GNL3: variants seen among roughly 807,000 people sequenced by gnomAD.
GNL3 encodes guanine nucleotide-binding protein-like 3.
In GNL3, 77 loss-of-function variants were observed where a neutral mutation model predicts 70.6. The observed-to-expected ratio is 1.09, with a 90% CI of 0.91 to 1.32. The LOEUF is 1.32. Among genes scored for constraint, GNL3 ranks in the 40% most tolerant of loss-of-function variants. The probability of loss-of-function intolerance (pLI) is 0.00; values close to 1 mark genes in which losing one functional copy is unlikely to be tolerated. For missense variants in GNL3, 634 were observed against 644.0 expected, an observed-to-expected ratio of 0.98 and a Z score of 0.17; for synonymous variants, 252 against 216.1, an observed-to-expected ratio of 1.17 and a Z score of -1.46.
rs200394487 is a variant in GNL3 at position 52,686,058 on chromosome 3, A to C, written c.-35A>C. ...GTTCACACGTGGCGCCAGCGGAGGC[A>C]GGTTGATGTGTTTGTGCTTCCTTCT... On this transcript the variant is annotated 5_prime_UTR_variant, in exon 1 of 15. Transcript: ENST00000418458. 1.4e-5 allele frequency: 13 copies of C among 956,676 alleles called. No homozygotes were observed. The East Asian group carries it at 1.4e-4, about 11-fold the overall frequency. The allele number at this position is 956,676 out of a possible 1,614,324, so 59.3% of individuals were successfully genotyped here.
rs775048103 is a variant in GNL3 at position 52,693,192 on chromosome 3, A to G, written c.1050A>G (p.Val350=). The change falls in exon 11 of 15, where the codon GTA becomes GTG. Residue 350 remains valine (V), a synonymous_variant. Transcript: ENST00000418458. ...ILSQADARQV[V]LKYTVPGYRN... The stretch of plus-strand genomic sequence containing the variant: ...TGTTTGGTTTTTTTTTTAAGGTAGT[A>G]CTGAAATATACTGTCCCAGGCTACA... 1.9e-6 allele frequency: 3 copies of G among 1,604,246 alleles called. No homozygotes were observed. The highest frequency in any genetic ancestry group is 3.3e-4 in the Middle Eastern group (2 of 5,994).
At position 52,686,036 on chromosome 3, in the gene GNL3, C is replaced by T; in HGVS notation, c.-57C>T. ...GTGACGCTCGTCAGTGGCTTCAGTT[C>T]ACACGTGGCGCCAGCGGAGGCAGGT... On this transcript the variant is annotated 5_prime_UTR_variant, in exon 1 of 15. Coordinates refer to ENST00000418458, the MANE Select transcript of GNL3 (RefSeq NM_014366.5). 1 of 860,188 alleles carries T rather than the reference C, an allele frequency of 1.2e-6. No homozygotes were observed. The highest frequency in any genetic ancestry group is 2.0e-6 in the Non-Finnish European group (1 of 491,158). 53.3% of individuals were successfully genotyped at this position (860,188 alleles called of 1,614,324 possible).
At position 52,693,448 on chromosome 3, in the gene GNL3, A is replaced by ACTC. The variant is rs139250575; in HGVS notation, c.1236_1238dup (p.Pro413dup). On this transcript the variant is annotated inframe_insertion, in exon 12 of 15. Transcript: ENST00000418458. ...CTATTGCCATCCCCCTACATCTTGG[A>ACTC]CTCCTCCTCCATATTTTAATGAGAG... The ACTC allele has an allele frequency of 6.2e-7, 1 of 1,613,718 alleles. No homozygotes were observed. Among genetic ancestry groups the ACTC allele is most frequent in the Non-Finnish European group, 8.5e-7 (1 of 1,179,726 alleles).
At chr3:52,690,235 C>T (rs186628027) in intron 6 of GNL3, among the ~76,000 whole-genome samples, 1 of 152,160 alleles carries the variant, frequency 6.6e-6, no homozygotes, top group Non-Finnish European at 1.5e-5. Context: ...TGCATCTCAA[C>T]AAAATAGCCA....
chr3:52,691,664 T>C (rs2097327417), intron 9 of GNL3, 35 bp downstream of exon 9: 2 of 1,101,460 alleles, frequency 1.8e-6, no homozygotes, highest in African/African-American at 1.5e-5. Flanking sequence ...AATATTATAG[T>C]GACACACTAT....
In GNL3 at chr3:52,687,260, T is replaced by C. The variant is rs1399165366; in HGVS notation, c.87T>C (p.His29=). Residue 29 remains histidine, a synonymous_variant, in exon 3 of 15, where the codon CAT becomes CAC. Coordinates refer to ENST00000418458, the MANE Select transcript of GNL3 (RefSeq NM_014366.5). ...TATTTTAATAGGTTCGAGAACATCA[T>C]CGAAAATTAAGAAAGGAGGCTAAAA... is the stretch of plus-strand genomic sequence containing the variant. ...YKIQKKVREH[H]RKLRKEAKKR... The C allele has an allele frequency of 9.3e-6, 15 of 1,612,412 alleles. No homozygotes were observed. Among genetic ancestry groups the C allele is most frequent in the African/African-American group, 8.0e-5 (6 of 75,000 alleles).
At chr3:52,688,791 A>G (rs986826996) in intron 5 of GNL3, 14 of 419,034 alleles carry the variant, frequency 3.3e-5, no homozygotes, top group African/African-American at 2.6e-4. Flanking sequence ...ATCAAACTAT[A>G]TAATTCACTA....
At chr3:52,688,083 G>GT in intron 4 of GNL3, 26 bp from the exon 5 acceptor site, 1 of 1,352,076 alleles carries the variant, frequency 7.4e-7, no homozygotes, top group South Asian at 1.2e-5. Flanking sequence ...TTCTAATTTT[G>GT]TGTTATTTCC....
At position 52,694,183 on chromosome 3, in the gene GNL3, T is replaced by G; in HGVS notation, c.1568-10T>G. On this transcript the variant is annotated splice_polypyrimidine_tract_variant and intron_variant, in intron 14 of 14. Coordinates refer to ENST00000418458, the MANE Select transcript of GNL3 (RefSeq NM_014366.5). ...CTTTTTGAAAATCTCTTTATTTTCCTGCAATATAGGTGAACAGTCTACAAG... is the reference window on the plus strand; with the variant it reads ...CTTTTTGAAAATCTCTTTATTTTCCGGCAATATAGGTGAACAGTCTACAAG... 1 of 1,599,654 alleles carries G rather than the reference T, an allele frequency of 6.3e-7. No homozygotes were observed. The highest frequency in any genetic ancestry group is 8.6e-7 in the Non-Finnish European group (1 of 1,167,098).
chr3:52,690,125 T>C (rs1308635860), intron 6 of GNL3, among the ~76,000 whole-genome samples: 2 of 152,180 alleles, frequency 1.3e-5, no homozygotes, highest in African/African-American at 2.4e-5. Flanking sequence ...GGCAGTATGG[T>C]AGGGGAGCTT....
chr3:52,688,563 A>C (rs1253365470), intron 5 of GNL3, among the ~76,000 whole-genome samples: 1 of 152,214 alleles, frequency 6.6e-6, no homozygotes, highest in Non-Finnish European at 1.5e-5. Context: ...TTAAAAAAAA[A>C]CGTTGACATA....
intron 8 of GNL3, 122 bp downstream of exon 8, chr3:52,691,193 A>G: frequency 1.2e-6 from 1 of 821,658 alleles, no homozygotes; most frequent in Non-Finnish European, 2.0e-6. Context: ...GCTCACTCAA[A>G]TACTAGCTTC....
chr3:52,691,248 GA>G (rs59152192), intron 8 of GNL3, 177 bp downstream of exon 8: 1 of 633,018 alleles, frequency 1.6e-6, no homozygotes, highest in Non-Finnish European at 2.7e-6. Flanking sequence ...ACAATTTAAA[GA>G]AAAAAACTTA....
intron 9 of GNL3, 98 bp from the exon 10 acceptor site, chr3:52,692,774 T>G: frequency 1.2e-6 from 1 of 867,472 alleles, no homozygotes; most frequent in African/African-American, 1.6e-5. Context: ...TCTGACTGAC[T>G]GTGCTGAGTC....
intron 8 of GNL3, 102 bp downstream of exon 8, chr3:52,691,173 C>A: frequency 9.9e-7 from 1 of 1,009,978 alleles, no homozygotes; most frequent in South Asian, 1.4e-5. Context: ...GAGTTGTTGT[C>A]AAGTAAAAGG....
rs747033683 is a variant in GNL3 at position 52,687,168 on chromosome 3, C to T, written c.73-78C>T. 169 of 1,228,172 alleles carry T rather than the reference C, an allele frequency of 1.4e-4. No homozygotes were observed. In the Middle Eastern group the frequency reaches 2.1e-3, roughly 15 times the overall value. The allele number at this position is 1,228,172 out of a possible 1,614,324, so 76.1% of individuals were successfully genotyped here. ...TTTATAGGCATAACTAAATTGCAGCCAGATTGGTTTCTCACTTGAATTCTG... is the reference window on the plus strand; with the variant it reads ...TTTATAGGCATAACTAAATTGCAGCTAGATTGGTTTCTCACTTGAATTCTG... On this transcript the variant is annotated intron_variant, in intron 2 of 14. Transcript: ENST00000418458.
intron 9 of GNL3, among the ~76,000 whole-genome samples, 198 bp downstream of exon 9, chr3:52,691,827 A>G (rs1365966274): frequency 1.3e-5 from 2 of 150,866 alleles, no homozygotes; most frequent in East Asian, 2.0e-4. Context: ...CTCAGCCTCC[A>G]GAGTAGCTGG....
intron 4 of GNL3, chr3:52,687,819 C>A (rs1202707385): frequency 8.4e-6 from 5 of 595,792 alleles, no homozygotes; most frequent in African/African-American, 7.4e-5. Context: ...CAGACACGGG[C>A]TTTCACTATA....
At chr3:52,688,991 T>G in intron 5 of GNL3, 83 bp from the exon 6 acceptor site, 1 of 1,120,792 alleles carries the variant, frequency 8.9e-7, no homozygotes, top group Non-Finnish European at 1.3e-6. Flanking sequence ...TACTCTCTTG[T>G]GGAAGGTATT....
Sources: allele counts gnomAD v4.1 joint callset (sites outside exome capture counted in the v4.1 genomes callset), GRCh38; gene constraint gnomAD v4.1.1; transcripts MANE v1.5; gene names NCBI Gene and HGNC (gene_info 2026-07-23, HGNC 2026-07-21).